The following KLF8 variants were observed in gnomAD, a reference collection of about 807,000 sequenced individuals.
The protein encoded by KLF8 is Krueppel-like factor 8.
KLF8 carries 10 observed loss-of-function variants against 18.2 expected under a neutral mutation model. That is an observed-to-expected ratio of 0.55 (90% CI 0.34 to 0.93). The LOEUF (loss-of-function observed/expected upper bound fraction) is 0.93. KLF8 is among the 40% of genes least tolerant of loss of function. The pLI is 0.02. For missense variants in KLF8, 264 were observed against 277.9 expected, an observed-to-expected ratio of 0.95 and a Z score of 0.36; for synonymous variants, 109 against 97.3, an observed-to-expected ratio of 1.12 and a Z score of -0.71.
At chrX:55,937,006 T>A in the KLF8 span, among the ~76,000 whole-genome samples, 2 of 111,670 alleles carry the variant, frequency 1.8e-5, no homozygotes, top group African/African-American at 6.5e-5. Context: ...TGTTCCTGTC[T>A]GACAGCTTTG....
At chrX:56,055,959 CTTATA>C in the KLF8 span, among the ~76,000 whole-genome samples, 17 of 111,405 alleles carry the variant, frequency 1.5e-4, no homozygotes, top group African/African-American at 4.9e-4. Context: ...TCTTTCAGCT[CTTATA>C]TTATTTTATT....
the KLF8 span, among the ~76,000 whole-genome samples, chrX:55,912,749 G>A: frequency 9.0e-6 from 1 of 111,349 alleles, no homozygotes; most frequent in African/African-American, 3.3e-5. Flanking sequence ...CACTCATTCA[G>A]CCCTATCCAC....
At chrX:55,962,442 T>C in the KLF8 span, 1 of 239,890 alleles carries the variant, frequency 4.2e-6, no homozygotes, top group African/African-American at 2.9e-5. Flanking sequence ...TTCAGCAACA[T>C]GGGCTACCTT....
chrX:56,010,310 A>G, the KLF8 span, among the ~76,000 whole-genome samples: 4 of 112,042 alleles, frequency 3.6e-5, no homozygotes, highest in South Asian at 1.5e-3. Context: ...CCAATACTCA[A>G]CATTCTTAAA....
At chrX:56,005,657 C>T in the KLF8 span, among the ~76,000 whole-genome samples, 2 of 112,550 alleles carry the variant, frequency 1.8e-5, no homozygotes, top group Admixed American at 9.3e-5. Flanking sequence ...ACTGGGTTCA[C>T]GGAGTGTGCT....
the KLF8 span, among the ~76,000 whole-genome samples, chrX:56,041,700 GTTGTTT>G: frequency 1.2e-5 from 1 of 83,751 alleles, no homozygotes; most frequent in Non-Finnish European, 2.8e-5. Flanking sequence ...TGTTGTTGTT[GTTGTTT>G]TTGAGATCGA....
At chrX:56,172,343 G>A in the KLF8 span, among the ~76,000 whole-genome samples, 2 of 110,917 alleles carry the variant, frequency 1.8e-5, no homozygotes, top group Non-Finnish European at 3.8e-5. Context: ...ACCTTTGAGT[G>A]AGAACATGCA....
chrX:56,035,801 G>C, the KLF8 span, among the ~76,000 whole-genome samples: 1 of 111,323 alleles, frequency 9.0e-6, no homozygotes, highest in African/African-American at 3.3e-5. Flanking sequence ...ACCCATTCAC[G>C]TCTTTTTAAT....
rs1446115199 is a variant in KLF8 at position 56,290,125 on chromosome X, C to T, written c.*5631C>T. 4.5e-5 allele frequency among the ~76,000 whole-genome samples: 5 copies of T among 111,558 alleles called. No homozygotes were observed. In the East Asian group the frequency reaches 8.4e-4, roughly 19 times the overall value. On this transcript the variant is annotated 3_prime_UTR_variant, in exon 6 of 6. Coordinates refer to ENST00000468660, the MANE Select transcript of KLF8 (RefSeq NM_007250.5). Reference sequence around the variant, plus strand: ...TGGCTCTCTGACAACAGTGATGCTACCCTGAGTTACCTCTCTTCTGTATTT... The same window carrying T: ...TGGCTCTCTGACAACAGTGATGCTATCCTGAGTTACCTCTCTTCTGTATTT...
At chrX:56,092,419 A>G in the KLF8 span, among the ~76,000 whole-genome samples, 1 of 111,138 alleles carries the variant, frequency 9.0e-6, no homozygotes, top group African/African-American at 3.3e-5. Flanking sequence ...TTCTCCTAAT[A>G]TTTTTATAGT....
At chrX:56,212,214 T>G in the KLF8 span, among the ~76,000 whole-genome samples, 3 of 111,265 alleles carry the variant, frequency 2.7e-5, no homozygotes, top group Non-Finnish European at 5.7e-5. Context: ...ACTCCACTCT[T>G]CTCTCTCCTC....
At chrX:56,054,465 T>A in the KLF8 span, among the ~76,000 whole-genome samples, 1 of 111,995 alleles carries the variant, frequency 8.9e-6, no homozygotes, top group Admixed American at 9.5e-5. Context: ...TTGTTATTAT[T>A]TCTGTTCTTT....
At chrX:56,149,549 C>A in the KLF8 span, among the ~76,000 whole-genome samples, 1 of 110,671 alleles carries the variant, frequency 9.0e-6, no homozygotes, top group East Asian at 2.8e-4. Flanking sequence ...TACACCCAAC[C>A]AACAAACCTG....
Position 56,234,203 on chromosome X carries a change from G to A in KLF8, c.7+862G>A, listed in dbSNP as rs1418310944. 8.0e-5 allele frequency among the ~76,000 whole-genome samples: 9 copies of A among 112,069 alleles called. No homozygotes were observed. In the East Asian group the frequency reaches 2.2e-3, roughly 28 times the overall value. On this transcript the variant is annotated intron_variant, in intron 1 of 5. Transcript: ENST00000468660. ...GCATTTATTAAGCACCTGTCACCCAGTGTGGTAATAATTGAGCAAAAAGAA... is the reference window on the plus strand; with the variant it reads ...GCATTTATTAAGCACCTGTCACCCAATGTGGTAATAATTGAGCAAAAAGAA...
the KLF8 span, among the ~76,000 whole-genome samples, chrX:56,106,941 G>T: frequency 3.3e-4 from 37 of 112,220 alleles, no homozygotes; most frequent in Middle Eastern, 9.2e-3. Flanking sequence ...ATTCCTTTCT[G>T]TTTGTTAGTT....
At chrX:56,132,073 A>T in the KLF8 span, among the ~76,000 whole-genome samples, 1 of 111,822 alleles carries the variant, frequency 8.9e-6, no homozygotes, top group Non-Finnish European at 1.9e-5. Context: ...AGCACCAGAC[A>T]GGTCAAGAAG....
chrX:56,077,033 G>A, the KLF8 span, among the ~76,000 whole-genome samples: 1 of 111,474 alleles, frequency 9.0e-6, no homozygotes, highest in Non-Finnish European at 1.9e-5. Context: ...TGTAGATTCT[G>A]GATATTAGCC....
the KLF8 span, among the ~76,000 whole-genome samples, chrX:55,909,373 T>A: frequency 0.18 from 20,095 of 111,967 alleles, 3,683 homozygotes; most frequent in African/African-American, 0.56. Context: ...AGTTGACTGC[T>A]GTTTTAGCTC....
chrX:56,049,040 A>G, the KLF8 span, among the ~76,000 whole-genome samples: 2 of 111,419 alleles, frequency 1.8e-5, no homozygotes, highest in Non-Finnish European at 3.8e-5. Flanking sequence ...TTTGAATGGG[A>G]GTTCACTCAT....
Sources: allele counts gnomAD v4.1 joint callset (sites outside exome capture counted in the v4.1 genomes callset), GRCh38; gene constraint gnomAD v4.1.1; transcripts MANE v1.5; gene names NCBI Gene and HGNC (gene_info 2026-07-23, HGNC 2026-07-21).